LIPC: variants seen among roughly 807,000 people sequenced by gnomAD.
The protein encoded by LIPC is hepatic triacylglycerol lipase.
LIPC carries 44 observed loss-of-function variants against 50.7 expected under a neutral mutation model. The observed-to-expected ratio is 0.87, with a 90% confidence interval of 0.68 to 1.11. The LOEUF (loss-of-function observed/expected upper bound fraction) is 1.11, where lower values mean the gene tolerates loss of function less well. Ranked by LOEUF, LIPC falls within the 50% of genes most tolerant of loss-of-function variation. The pLI, the probability that LIPC is intolerant of heterozygous loss-of-function variation, is 0.00. For synonymous variants in LIPC, 271 were observed against 256.4 expected (o/e 1.06, Z -0.54); for missense variants, 697 against 648.2 (o/e 1.08, Z -0.82).
In LIPC at chr15:58,548,532, G is replaced by C; in HGVS notation, c.1011G>C (p.Lys337Asn). 6.3e-7 allele frequency: 1 copy of C among 1,599,148 alleles called. No individual in the cohort carries two copies. The highest frequency in any genetic ancestry group is 8.5e-7 in the Non-Finnish European group (1 of 1,172,598). Residue 337 changes from lysine to asparagine, a missense_variant, in exon 6 of 9, where the codon AAG (lysine) becomes AAC (asparagine). By Grantham distance (94) the Lys-to-Asn change is moderately conservative (BLOSUM62 0). Coordinates refer to ENST00000299022, the MANE Select transcript of LIPC (RefSeq NM_000236.3). ...GCCAGGAGCCGCGGAGCAAGAGCAA[G>C]AGGCTCTTCCTCGTAACGCGAGCCC... ...HVRQEPRSKSKRLFLVTRAQS... is the reference protein window; with the variant it reads ...HVRQEPRSKSNRLFLVTRAQS...
intron 1 of LIPC, among the ~76,000 whole-genome samples, chr15:58,481,393 A>C: frequency 6.6e-6 from 1 of 152,380 alleles, no homozygotes; most frequent in African/African-American, 2.4e-5. Flanking sequence ...GTCATTGAGA[A>C]GATTCACTTT....
chr15:58,485,354 G>C (rs1310472749), intron 1 of LIPC, among the ~76,000 whole-genome samples: 2 of 152,188 alleles, frequency 1.3e-5, no homozygotes, highest in Non-Finnish European at 2.9e-5. Flanking sequence ...AGGAGTCAAT[G>C]GTGGCTCTGA....
intron 1 of LIPC, among the ~76,000 whole-genome samples, chr15:58,466,272 G>C (rs1894560201): frequency 6.6e-6 from 1 of 152,246 alleles, no homozygotes; most frequent in Non-Finnish European, 1.5e-5. Context: ...CTCCTAGCGG[G>C]TGACTCATAG....
chr15:58,501,347 C>CTT (rs11453466), intron 1 of LIPC, among the ~76,000 whole-genome samples: 12,818 of 134,594 alleles, frequency 0.095, 777 homozygotes, highest in Non-Finnish European at 0.14. Flanking sequence ...GCCTCTCATA[C>CTT]TTTTTTTTTT....
chr15:58,566,207 A>G, intron 8 of LIPC: 1 of 985,402 alleles, frequency 1.0e-6, no homozygotes, highest in Non-Finnish European at 1.2e-6. Flanking sequence ...CAACCCGGGA[A>G]GTGTAAGAAG....
intron 4 of LIPC, among the ~76,000 whole-genome samples, chr15:58,544,853 A>G (rs562061689): frequency 6.6e-6 from 1 of 152,160 alleles, no homozygotes; most frequent in South Asian, 2.1e-4. Context: ...AAAGACAGGG[A>G]AAAAAAACTT....
intron 1 of LIPC, among the ~76,000 whole-genome samples, chr15:58,472,165 G>C (rs1306753980): frequency 6.6e-6 from 1 of 151,192 alleles, no homozygotes; most frequent in East Asian, 1.9e-4. Flanking sequence ...CAGCTACTCG[G>C]GAGGCTGAAG....
intron 6 of LIPC, among the ~76,000 whole-genome samples, chr15:58,549,321 C>T (rs1893664004): frequency 6.6e-6 from 1 of 152,240 alleles, no homozygotes; most frequent in African/African-American, 2.4e-5. Flanking sequence ...TTTCATCGCA[C>T]AGCCTCTCCA....
At chr15:58,468,689 C>A (rs1351616171) in intron 1 of LIPC, among the ~76,000 whole-genome samples, 1 of 152,080 alleles carries the variant, frequency 6.6e-6, no homozygotes, top group Non-Finnish European at 1.5e-5. Flanking sequence ...TTAGAATCAT[C>A]TAGGGAACTT....
intron 1 of LIPC, among the ~76,000 whole-genome samples, chr15:58,476,741 C>T (rs563882894): frequency 1.2e-3 from 181 of 152,200 alleles, no homozygotes; most frequent in Non-Finnish European, 2.2e-3. Flanking sequence ...CCATTTGGCC[C>T]GAGTCTTTTT....
intron 1 of LIPC, chr15:58,454,333 A>G (rs1894030137): frequency 6.6e-6 from 1 of 152,262 alleles, no homozygotes; most frequent in Non-Finnish European, 1.5e-5. Flanking sequence ...GGTCCCAACC[A>G]TCACCTTCCC....
chr15:58,530,709 C>T (rs573862337), intron 1 of LIPC, among the ~76,000 whole-genome samples: 68 of 152,352 alleles, frequency 4.5e-4, no homozygotes, highest in African/African-American at 1.5e-3. Context: ...GATCTGCTCT[C>T]AATCACAATA....
intron 1 of LIPC, among the ~76,000 whole-genome samples, chr15:58,459,174 T>C (rs1458129560): frequency 2.0e-5 from 3 of 152,174 alleles, no homozygotes; most frequent in Admixed American, 6.5e-5. Context: ...AAAGGCCCAG[T>C]GGACATCAGG....
chr15:58,540,858 C>G (rs1382881823), intron 2 of LIPC, among the ~76,000 whole-genome samples: 4 of 152,138 alleles, frequency 2.6e-5, no homozygotes, highest in Non-Finnish European at 5.9e-5. Context: ...GGCTGGAGGG[C>G]AGTGTGATCT....
chr15:58,472,181 C>G (rs1255621559), intron 1 of LIPC, among the ~76,000 whole-genome samples: 4 of 140,550 alleles, frequency 2.8e-5, no homozygotes, highest in Admixed American at 7.8e-5. Flanking sequence ...TGAAGCAGGA[C>G]AATCACTTGA....
chr15:58,478,498 C>T (rs762144604), intron 1 of LIPC, among the ~76,000 whole-genome samples: 5 of 152,082 alleles, frequency 3.3e-5, no homozygotes, highest in Non-Finnish European at 7.4e-5. Context: ...CTTGGCCTCC[C>T]GAAAGTGCTA....
chr15:58,452,098 G>A (rs1309393838), intron 1 of LIPC, among the ~76,000 whole-genome samples: 1 of 152,210 alleles, frequency 6.6e-6, no homozygotes, highest in Non-Finnish European at 1.5e-5. Flanking sequence ...TTTCAAGGCT[G>A]TGTATGTTGA....
intron 1 of LIPC, among the ~76,000 whole-genome samples, chr15:58,517,229 G>A (rs1892511598): frequency 6.6e-6 from 1 of 152,246 alleles, no homozygotes; most frequent in Admixed American, 6.5e-5. Flanking sequence ...GATCCCCAAG[G>A]TTTTGACCAA....
At chr15:58,513,863 G>C (rs554349996) in intron 1 of LIPC, among the ~76,000 whole-genome samples, 1 of 152,282 alleles carries the variant, frequency 6.6e-6, no homozygotes, top group Admixed American at 6.5e-5. Flanking sequence ...GGTGGGAGGA[G>C]CATTTCCGTT....
Sources: allele counts gnomAD v4.1 joint callset (sites outside exome capture counted in the v4.1 genomes callset), GRCh38; gene constraint gnomAD v4.1.1; transcripts MANE v1.5; gene names NCBI Gene and HGNC (gene_info 2026-07-23, HGNC 2026-07-21).